The following BPTF variants were observed in gnomAD, a reference collection of about 807,000 sequenced individuals.
The protein encoded by BPTF is nucleosome-remodeling factor subunit BPTF.
Under a neutral mutation model 292.5 loss-of-function variants are expected in BPTF, and 18 were observed. That is an observed-to-expected ratio of 0.06 (90% confidence interval 0.04 to 0.09). BPTF has a LOEUF of 0.09. Among genes scored for constraint, BPTF ranks in the 10% least tolerant of loss-of-function variants. BPTF has a pLI of 1.00. For synonymous variants in BPTF, 1,225 were observed against 1,251.9 expected, an observed-to-expected ratio of 0.98 and a Z score of 0.45; for missense variants, 2,726 against 3,498.7, an observed-to-expected ratio of 0.78 and a Z score of 5.57.
Position 67,891,648 on chromosome 17 carries a change from G to C in BPTF, c.1865-196G>C, listed in dbSNP as rs1598458136. 7.6e-6 allele frequency: 3 copies of C among 396,146 alleles called. No individual in the cohort carries two copies. In the East Asian group the frequency reaches 1.1e-4, roughly 15 times the overall value. 24.5% of individuals were successfully genotyped at this position (396,146 alleles called of 1,614,324 possible). ...TTTGTGGAATAATAGATGACTCACAGTAAAGTTACAACATATTTTCTTTTA... is the reference window on the plus strand; with the variant it reads ...TTTGTGGAATAATAGATGACTCACACTAAAGTTACAACATATTTTCTTTTA... On this transcript the variant is annotated intron_variant, in intron 4 of 27. Coordinates refer to ENST00000306378, the MANE Select transcript of BPTF (RefSeq NM_182641.4).
chr17:67,886,376 T>G, intron 4 of BPTF: 1 of 1,000,014 alleles, frequency 1.0e-6, no homozygotes, highest in Admixed American at 3.5e-5. Flanking sequence ...TTCTTTTTTT[T>G]GTGTGTGTGT....
At chr17:67,937,199 A>G (rs1181607381) in intron 18 of BPTF, among the ~76,000 whole-genome samples, 1 of 152,138 alleles carries the variant, frequency 6.6e-6, no homozygotes, top group Non-Finnish European at 1.5e-5. Flanking sequence ...CTCACGCCTA[A>G]TATACCAGCA....
At chr17:67,904,933 A>AT in intron 9 of BPTF, 93 bp downstream of exon 9, 10 of 1,096,916 alleles carry the variant, frequency 9.1e-6, no homozygotes, top group Non-Finnish European at 1.2e-5. Context: ...AGATAAAAAC[A>AT]TTTTTCTGAA....
chr17:67,940,502 C>A lies in BPTF; in HGVS notation c.6323C>A (p.Ala2108Asp). 6.2e-7 allele frequency: 1 copy of A among 1,614,102 alleles called. No individual in the cohort carries two copies. The highest frequency in any genetic ancestry group is 8.5e-7 in the Non-Finnish European group (1 of 1,180,028). The change falls in exon 19 of 28, where the codon GCC becomes GAC. Residue 2108 changes from alanine (A) to aspartate (D), a missense_variant. Physicochemically the swap from Ala to Asp is moderately radical, Grantham distance 126. Coordinates refer to ENST00000306378, the MANE Select transcript of BPTF (RefSeq NM_182641.4). ...RGQPVSTAVSAPNTVSSTPGQ... is the reference protein window; with the variant it reads ...RGQPVSTAVSDPNTVSSTPGQ... ...CAGCCTGTCTCCACTGCAGTCTCCG[C>A]CCCTAACACGGTTTCCTCAACACCT... is the stretch of plus-strand genomic sequence containing the variant.
chr17:67,860,711 G>A (rs1237718242), intron 2 of BPTF, among the ~76,000 whole-genome samples: 3 of 152,088 alleles, frequency 2.0e-5, no homozygotes, highest in South Asian at 2.1e-4. Context: ...ATATAATTAC[G>A]TGAACACAGC....
rs1047638167 is a variant in BPTF at position 67,826,001 on chromosome 17, G to T, written c.277G>T (p.Gly93Trp). 7 of 1,155,402 alleles carry T rather than the reference G, an allele frequency of 6.1e-6. No individual in the cohort carries two copies. The highest frequency in any genetic ancestry group is 9.6e-5 in the Admixed American group (2 of 20,934). 71.6% of individuals were successfully genotyped at this position (1,155,402 alleles called of 1,614,324 possible). A position where few individuals can be genotyped will look rare whatever the true frequency, so the allele number is the denominator to read the frequency against. The change falls in exon 1 of 28, where the codon GGG (glycine) becomes TGG (tryptophan). Residue 93 changes from glycine to tryptophan, a missense_variant. Coordinates refer to ENST00000306378, the MANE Select transcript of BPTF (RefSeq NM_182641.4). ...CCCCAGCACCAGCGCCCCGGGCCGGGGGGGGCGAGGAGGCGGGGGCGGCAG... is the reference window on the plus strand; with the variant it reads ...CCCCAGCACCAGCGCCCCGGGCCGGTGGGGGCGAGGAGGCGGGGGCGGCAG... ...APPSTSAPGR[G>W]GRGGGGGRTG... is the part of the protein sequence containing the mutation.
At chr17:67,930,541 A>G (rs2064290980) in intron 17 of BPTF, among the ~76,000 whole-genome samples, 1 of 152,212 alleles carries the variant, frequency 6.6e-6, no homozygotes, top group Non-Finnish European at 1.5e-5. Flanking sequence ...AAAGGCTTAA[A>G]GTTTTGTAGA....
In BPTF at chr17:67,966,557, G is replaced by A; in HGVS notation, c.8455-15G>A. On this transcript the variant is annotated splice_polypyrimidine_tract_variant and intron_variant, in intron 25 of 27. Coordinates refer to ENST00000306378, the MANE Select transcript of BPTF (RefSeq NM_182641.4). The stretch of plus-strand genomic sequence containing the variant: ...TGTTTTCACTGACAATAATGATGCT[G>A]CTTTTTCATTATAGGCCCATAAGAT... 1 of 1,606,814 alleles carries A rather than the reference G, an allele frequency of 6.2e-7. No homozygotes were observed. Among genetic ancestry groups the A allele is most frequent in the East Asian group, 2.2e-5 (1 of 44,738 alleles).
rs141238002 is a variant in BPTF at position 67,911,331 on chromosome 17, A to T, written c.3447A>T (p.Arg1149Ser). The T allele has an allele frequency of 2.2e-3, 3,527 of 1,614,146 alleles. 5 individuals carry two copies. Among genetic ancestry groups the T allele is most frequent in the Non-Finnish European group, 2.6e-3 (3,094 of 1,180,012 alleles). The part of the protein sequence containing the change: ...GCSESDSSVL[R>S]MSDPSHTTNK... ...CAGAAAGTGATTCCTCAGTTCTTAG[A>T]ATGAGTGATCCTAGTCATACCACAA... Residue 1149 changes from arginine to serine, a missense_variant, in exon 11 of 28, where the codon AGA becomes AGT. Around this residue, in one of 22 missense-constraint regions of BPTF, gnomAD observed 713 missense variants for 714.9 expected, o/e 1.00. Coordinates refer to ENST00000306378, the MANE Select transcript of BPTF (RefSeq NM_182641.4).
chr17:67,864,253 C>T (rs556727867), intron 2 of BPTF, among the ~76,000 whole-genome samples: 1 of 152,038 alleles, frequency 6.6e-6, no homozygotes, highest in African/African-American at 2.4e-5. Context: ...CAGCCCGGTG[C>T]GGTGGCTCGT....
intron 14 of BPTF, among the ~76,000 whole-genome samples, chr17:67,923,999 G>A (rs1038883848): frequency 1.3e-5 from 2 of 150,024 alleles, no homozygotes; most frequent in African/African-American, 2.5e-5. Context: ...GTGCCACCAC[G>A]CCTGGCTGTT....
chr17:67,830,632 G>GGAGGGA (rs1276485824), intron 1 of BPTF, among the ~76,000 whole-genome samples: 43 of 152,092 alleles, frequency 2.8e-4, no homozygotes, highest in African/African-American at 1.0e-3. Context: ...AGGGAGGGAG[G>GGAGGGA]GAGGGAGAGG....
chr17:67,903,825 G>T lies in BPTF; in HGVS notation c.2580G>T (p.Lys860Asn). 6.3e-7 allele frequency: 1 copy of T among 1,588,586 alleles called. No homozygotes were observed. The highest frequency in any genetic ancestry group is 1.2e-5 in the South Asian group (1 of 85,608). ...HRMTSIEREEKEKVKKKEKKQ... is the reference protein window; with the variant it reads ...HRMTSIEREENEKVKKKEKKQ... ...TGACATCAATTGAAAGAGAAGAAAAGGAGAAAGTCAAAAAAAAAGAGAAGA... is the reference window on the plus strand; with the variant it reads ...TGACATCAATTGAAAGAGAAGAAAATGAGAAAGTCAAAAAAAAAGAGAAGA... The change falls in exon 8 of 28, where the codon AAG becomes AAT. Residue 860 changes from lysine to asparagine, a missense_variant. Physicochemically the swap from Lys to Asn is moderately conservative, Grantham distance 94. Around this residue, in one of 22 missense-constraint regions of BPTF, gnomAD observed 99 missense variants for 227.1 expected, o/e 0.44. Coordinates refer to ENST00000306378, the MANE Select transcript of BPTF (RefSeq NM_182641.4).
intron 11 of BPTF, among the ~76,000 whole-genome samples, chr17:67,917,587 T>A (rs72845284): frequency 6.6e-6 from 1 of 152,154 alleles, no homozygotes; most frequent in Non-Finnish European, 1.5e-5. Context: ...GGAAAGGTCT[T>A]ACTAGATTTG....
chr17:67,846,927 C>T lies in BPTF; in HGVS notation c.614-7013C>T, dbSNP rs113439669. ...TGTTGGCCAGGCTGGTCCTAAACTC[C>T]GGACCTCAAGTGATCCACCCGCCTT... On this transcript the variant is annotated intron_variant, in intron 1 of 27. Transcript: ENST00000306378. Among the ~76,000 whole-genome samples, 11 of 152,150 alleles carry T rather than the reference C, an allele frequency of 7.2e-5. No individual in the cohort carries two copies. In the South Asian group the frequency reaches 1.5e-3, roughly 20 times the overall value.
chr17:67,915,399 G>A (rs1293621581), intron 11 of BPTF, among the ~76,000 whole-genome samples: 1 of 152,224 alleles, frequency 6.6e-6, no homozygotes, highest in Non-Finnish European at 1.5e-5. Context: ...GTCACCTGTA[G>A]ATCACATTCA....
chr17:67,894,745 C>T (rs1002917692), intron 7 of BPTF, among the ~76,000 whole-genome samples: 1 of 152,072 alleles, frequency 6.6e-6, no homozygotes, highest in Non-Finnish European at 1.5e-5. Context: ...AGAAAGAGCA[C>T]TCACATTTTT....
chr17:67,975,686 C>A, intron 26 of BPTF, 86 bp from the exon 27 acceptor site: 1 of 1,255,868 alleles, frequency 8.0e-7, no homozygotes, highest in Non-Finnish European at 1.1e-6. Flanking sequence ...GCACAGTAAA[C>A]ATATATACTT....
chr17:67,979,266 G>C (rs1599075786), intron 27 of BPTF, among the ~76,000 whole-genome samples: 2 of 148,836 alleles, frequency 1.3e-5, no homozygotes, highest in Admixed American at 1.3e-4. Flanking sequence ...AATGACATTG[G>C]GCCGGGCACG....
Sources: gnomAD v4.1 joint callset for allele counts (sites outside exome capture counted in the v4.1 genomes callset) on GRCh38, gnomAD v4.1.1 for gene constraint, gnomAD v4.1.1 regional missense constraint, MANE v1.5 for transcripts, NCBI Gene and HGNC (gene_info 2026-07-23, HGNC 2026-07-21) for gene names.